TTN: variants seen among roughly 807,000 people sequenced by gnomAD.
The protein encoded by TTN is connectin.
TTN carries 1,525 observed loss-of-function variants against 3,223.0 expected under a neutral mutation model. The ratio of observed to expected loss-of-function variants is 0.47; its 90% CI spans 0.45 to 0.49. The LOEUF (loss-of-function observed/expected upper bound fraction) is 0.49, where lower values mean the gene tolerates loss of function less well. Ranked by LOEUF, TTN falls within the 20% of genes least tolerant of loss-of-function variation. The pLI, the probability that TTN is intolerant of heterozygous loss-of-function variation, is 0.00. For missense variants in TTN, 40,786 were observed against 43,424.0 expected (o/e 0.94, Z 5.40); for synonymous variants, 14,094 against 15,161.0 (o/e 0.93, Z 5.17).
At position 178,677,712 on chromosome 2, in the gene TTN, G is replaced by A. The variant is rs750587024; in HGVS notation, c.34200C>T (p.Pro11400=). ...EIPPEEEEVP[P]EEEYVPEEEE... ...CTTCCTCAGGTACATATTCTTCTTC[G>A]GGAGGAACTTCCTCTTCCTCAGGTG... Residue 11400 remains proline, a synonymous_variant, in exon 146 of 363, where the codon CCC becomes CCT. Coordinates refer to ENST00000589042, the MANE Select transcript of TTN (RefSeq NM_001267550.2). 29 of 1,612,412 alleles carry A rather than the reference G, an allele frequency of 1.8e-5. No individual in the cohort carries two copies. Among genetic ancestry groups the A allele is most frequent in the Middle Eastern group, 1.6e-4 (1 of 6,072 alleles).
chr2:178,766,710 G>A, intron 40 of TTN, 98 bp from the exon 41 acceptor site: 1 of 903,050 alleles, frequency 1.1e-6, no homozygotes, highest in Admixed American at 2.0e-5. Context: ...GTCAATGAAT[G>A]GCATGTGAAA....
Position 178,635,584 on chromosome 2 carries a change from G to A in TTN, c.41740C>T (p.Pro13914Ser), listed in dbSNP as rs755785975. The A allele has an allele frequency of 1.3e-6, 2 of 1,594,022 alleles. No individual in the cohort carries two copies. The highest frequency in any genetic ancestry group is 1.7e-6 in the Non-Finnish European group (2 of 1,169,098). The change falls in exon 227 of 363, where the codon CCT (proline) becomes TCT (serine). Residue 13914 changes from proline to serine, a missense_variant. Pro to Ser is a moderately conservative substitution (Grantham distance 74). Coordinates refer to ENST00000589042, the MANE Select transcript of TTN (RefSeq NM_001267550.2). The part of the protein sequence containing the change: ...IKWFKGYDEI[P>S]AEPNDKTEIL... Reference sequence around the variant, plus strand: ...TCAGTCTTATCATTTGGTTCCGCAGGGATTTCATCATATCCTTTGAACCAC... The same window carrying A: ...TCAGTCTTATCATTTGGTTCCGCAGAGATTTCATCATATCCTTTGAACCAC...
chr2:178,775,232 A>C, intron 28 of TTN, 30 bp from the exon 29 acceptor site: 1 of 1,613,372 alleles, frequency 6.2e-7, no homozygotes, highest in South Asian at 1.1e-5. Flanking sequence ...GAAAAAGGGG[A>C]GAGCACATTA....
chr2:178,634,331 T>C lies in TTN; in HGVS notation c.42415+35A>G. The C allele has an allele frequency of 6.3e-7, 1 of 1,581,362 alleles. No individual in the cohort carries two copies. The highest frequency in any genetic ancestry group is 8.5e-7 in the Non-Finnish European group (1 of 1,172,100). ...TTTAAAGTCATATATTTGCATGCCTTTATGGGATGTCACAGATCTCATTAG... is the reference window on the plus strand; with the variant it reads ...TTTAAAGTCATATATTTGCATGCCTCTATGGGATGTCACAGATCTCATTAG... On this transcript the variant is annotated intron_variant, in intron 230 of 362. Coordinates refer to ENST00000589042, the MANE Select transcript of TTN (RefSeq NM_001267550.2). This position sits in a 1 kb window ranked among gnomAD's most constrained non-coding sequence, Gnocchi z 4.6.
rs727505256 is a variant in TTN, at chr2:178,790,082, T to C, written c.1834A>G (p.Lys612Glu). 3.8e-5 allele frequency: 62 copies of C among 1,612,992 alleles called. No individual in the cohort carries two copies. The highest frequency in any genetic ancestry group is 1.6e-4 in the Middle Eastern group (1 of 6,076). ...ACTTTGGGTGTGGCAACTATGACTT[T>C]AGGTACAACTGTTTTCCTAGTTTCC... ...MKETRKTVVP[K>E]VIVATPKVKE... The change falls in exon 12 of 363, where the codon AAA becomes GAA. Residue 612 changes from lysine to glutamate, a missense_variant. Physicochemically the swap from Lys to Glu is moderately conservative, Grantham distance 56. Transcript: ENST00000589042.
In TTN at chr2:178,757,610, T is replaced by C. The variant is rs2087695492; in HGVS notation, c.10610A>G (p.Tyr3537Cys). The C allele has an allele frequency of 6.2e-7, 1 of 1,612,028 alleles. No homozygotes were observed. Among genetic ancestry groups the C allele is most frequent in the South Asian group, 1.1e-5 (1 of 90,824 alleles). Residue 3537 changes from tyrosine to cysteine, a missense_variant, in exon 45 of 363, where the codon TAC becomes TGC. Coordinates refer to ENST00000589042, the MANE Select transcript of TTN (RefSeq NM_001267550.2). ...VDAYSEHAGQ[Y>C]SCKAANSAGE... ...AGCACTATTGGCTGCTTTGCAAGAG[T>C]ACTGCCCAGCATGCTCTGAGTAAGC...
chr2:178,620,861 C>G lies in TTN; in HGVS notation c.45749G>C (p.Ser15250Thr). The part of the protein sequence containing the change: ...WFRNEEAIFD[S>T]SKYIILQKDL... Reference sequence around the variant, plus strand: ...TTTTTGGAGAATGATGTATTTTGAACTATCAAATATAGCTTCTTCATTTCT... The same window carrying G: ...TTTTTGGAGAATGATGTATTTTGAAGTATCAAATATAGCTTCTTCATTTCT... The change falls in exon 247 of 363, where the codon AGT (serine) becomes ACT (threonine). Residue 15250 changes from serine (S) to threonine (T), a missense_variant. Transcript: ENST00000589042. 6.2e-7 allele frequency: 1 copy of G among 1,612,558 alleles called. No individual in the cohort carries two copies. Among genetic ancestry groups the G allele is most frequent in the Non-Finnish European group, 8.5e-7 (1 of 1,179,122 alleles).
rs772886864 is a variant in TTN at position 178,574,151 on chromosome 2, G to A, written c.71981C>T (p.Ala23994Val). The change falls in exon 326 of 363, where the codon GCA becomes GTA. Residue 23994 changes from alanine (A) to valine (V), a missense_variant. Physicochemically the swap from Ala to Val is moderately conservative, Grantham distance 64. Transcript: ENST00000589042. ...FTVSGLTEDA[A>V]YEFRVIAKNA... is the part of the protein sequence containing the mutation. Reference sequence around the variant, plus strand: ...TTTGGCGATCACACGGAATTCATATGCAGCATCTTCTGTTAGGCCACTGAC... The same window carrying A: ...TTTGGCGATCACACGGAATTCATATACAGCATCTTCTGTTAGGCCACTGAC... 27 of 1,613,502 alleles carry A rather than the reference G, an allele frequency of 1.7e-5. No individual in the cohort carries two copies. The Admixed American group carries it at 2.3e-4, about 14-fold the overall frequency.
Position 178,696,094 on chromosome 2 carries a change from T to C in TTN, c.30978A>G (p.Val10326=), listed in dbSNP as rs2073654294. ...GTTCAAATGGCTCTGTGTATGGTTC[T>C]ACCTCCAGTTCGTCATAAGGTTCTT... ...SFEEPYDELE[V]EPYTEPFEQP... is the part of the protein sequence containing the mutation. The change falls in exon 114 of 363, where the codon GTA becomes GTG. Residue 10326 remains valine, a synonymous_variant. Coordinates refer to ENST00000589042, the MANE Select transcript of TTN (RefSeq NM_001267550.2). The C allele has an allele frequency of 1.9e-6, 3 of 1,551,394 alleles. No individual in the cohort carries two copies. Among genetic ancestry groups the C allele is most frequent in the Non-Finnish European group, 2.6e-6 (3 of 1,146,784 alleles).
In TTN at chr2:178,776,325, G is replaced by A. The variant is rs138778559; in HGVS notation, c.5539C>T (p.Pro1847Ser). The change falls in exon 28 of 363, where the codon CCA (proline) becomes TCA (serine). Residue 1847 changes from proline (P) to serine (S), a missense_variant. By Grantham distance (74) the Pro-to-Ser change is moderately conservative (BLOSUM62 -1). Coordinates refer to ENST00000589042, the MANE Select transcript of TTN (RefSeq NM_001267550.2). ...EKQKPDIVLY[P>S]EPVRVLEGET... is the part of the protein sequence containing the mutation. The stretch of plus-strand genomic sequence containing the variant: ...CCTTCAAGTACTCTAACTGGCTCTG[G>A]GTACAAGACAATGTCTGGCTTTTGC... 6.2e-7 allele frequency: 1 copy of A among 1,613,866 alleles called. No homozygotes were observed. The highest frequency in any genetic ancestry group is 8.5e-7 in the Non-Finnish European group (1 of 1,179,976).
chr2:178,778,062 G>A, intron 24 of TTN, 87 bp from the exon 25 acceptor site: 1 of 1,517,048 alleles, frequency 6.6e-7, no homozygotes, highest in Non-Finnish European at 8.9e-7. Flanking sequence ...CATTATTCAT[G>A]TTATTTTAGA....
intron 53 of TTN, 26 bp from the exon 54 acceptor site, chr2:178,733,543 C>T (rs780978405): frequency 2.5e-6 from 4 of 1,600,272 alleles, no homozygotes; most frequent in Admixed American, 1.7e-5. Context: ...ATAGTTAGCA[C>T]CCTAAATGCT....
rs750071508 is a variant in TTN at position 178,717,620 on chromosome 2, C to G, written c.25254G>C (p.Gln8418His). 3.1e-6 allele frequency: 5 copies of G among 1,613,284 alleles called. No individual in the cohort carries two copies. The highest frequency in any genetic ancestry group is 4.2e-6 in the Non-Finnish European group (5 of 1,179,562). The change falls in exon 87 of 363, where the codon CAG becomes CAC. Residue 8418 changes from glutamine (Q) to histidine (H), a missense_variant. By Grantham distance (24) the Gln-to-His change is conservative. Coordinates refer to ENST00000589042, the MANE Select transcript of TTN (RefSeq NM_001267550.2). ...TSFVHNVATL[Q>H]ILQTDQSHIG... ...TGTGGCTCTGGTCAGTTTGTAAAAT[C>G]TGAAGAGTTGCTACATTATGAACAA...
Position 178,634,003 on chromosome 2 carries a change from A to C in TTN, c.42496T>G (p.Ser14166Ala). ...GETATFVCELSHEKMHVVWFK... is the reference protein window; with the variant it reads ...GETATFVCELAHEKMHVVWFK... ...CAGACTACATGCATTTTTTCATGAG[A>C]AAGTTCACAAACAAAAGTTGCTGTT... The change falls in exon 231 of 363, where the codon TCT becomes GCT. Residue 14166 changes from serine to alanine, a missense_variant. By Grantham distance (99) the Ser-to-Ala change is moderately conservative. Coordinates refer to ENST00000589042, the MANE Select transcript of TTN (RefSeq NM_001267550.2). The surrounding 1 kb of genome is among the most constrained non-coding windows in gnomAD (Gnocchi z 4.6). The C allele has an allele frequency of 6.2e-7, 1 of 1,613,356 alleles. No individual in the cohort carries two copies. Among genetic ancestry groups the C allele is most frequent in the African/African-American group, 1.3e-5 (1 of 74,988 alleles).
At position 178,592,633 on chromosome 2, in the gene TTN, T is replaced by A. The variant is rs2050467493; in HGVS notation, c.59372A>T (p.Asn19791Ile). 2 of 1,613,282 alleles carry A rather than the reference T, an allele frequency of 1.2e-6. No homozygotes were observed. Among genetic ancestry groups the A allele is most frequent in the Non-Finnish European group, 1.7e-6 (2 of 1,179,530 alleles). ...TTTAATGTGTTGTTCTCTTGCCATG[T>A]TGGCATCAAGAATCAACTCAGGGGG... ...LEPPELILDANMAREQHIKVG... is the reference protein window; with the variant it reads ...LEPPELILDAIMAREQHIKVG... The change falls in exon 301 of 363, where the codon AAC becomes ATC. Residue 19791 changes from asparagine (N) to isoleucine (I), a missense_variant. Asn to Ile is a moderately radical substitution (Grantham distance 149). Coordinates refer to ENST00000589042, the MANE Select transcript of TTN (RefSeq NM_001267550.2).
At position 178,581,917 on chromosome 2, in the gene TTN, C is replaced by A; in HGVS notation, c.66452G>T (p.Arg22151Leu). The change falls in exon 315 of 363, where the codon CGG becomes CTG. Residue 22151 changes from arginine to leucine, a missense_variant. Coordinates refer to ENST00000589042, the MANE Select transcript of TTN (RefSeq NM_001267550.2). ...TCATGAACACTTACACTGAGGGTCCCGAGCATAAGCGGCCTTGGATGCGTC... is the reference window on the plus strand; with the variant it reads ...TCATGAACACTTACACTGAGGGTCCAGAGCATAAGCGGCCTTGGATGCGTC... ...PSDASKAAYA[R>L]DPQYPPGPPA... 1 of 1,613,056 alleles carries A rather than the reference C, an allele frequency of 6.2e-7. No individual in the cohort carries two copies. The highest frequency in any genetic ancestry group is 1.1e-5 in the South Asian group (1 of 91,042).
chr2:178,642,409 T>G, intron 218 of TTN, 92 bp from the exon 219 acceptor site: 1 of 1,082,066 alleles, frequency 9.2e-7, no homozygotes, highest in Non-Finnish European at 1.3e-6. Context: ...TAGTTAACTG[T>G]AGTGCATTAA....
rs767670018 is a variant in TTN, at chr2:178,589,114, G to C, written c.62611C>G (p.Leu20871Val). The C allele has an allele frequency of 6.6e-5, 107 of 1,611,728 alleles. No homozygotes were observed. Among genetic ancestry groups the C allele is most frequent in the Non-Finnish European group, 8.8e-5 (104 of 1,179,608 alleles). ...TCACTGGACACATCAACAATTTTCA[G>C]ATTTCTCACAGGACCAGGCTTATCT... ...VLDKPGPVRN[L>V]KIVDVSSDRC... The change falls in exon 304 of 363, where the codon CTG becomes GTG. Residue 20871 changes from leucine to valine, a missense_variant. Leu to Val is a conservative substitution (Grantham distance 32). Coordinates refer to ENST00000589042, the MANE Select transcript of TTN (RefSeq NM_001267550.2).
intron 200 of TTN, 25 bp from the exon 201 acceptor site, chr2:178,652,761 A>G: frequency 6.2e-7 from 1 of 1,611,194 alleles, no homozygotes; most frequent in South Asian, 1.1e-5. Flanking sequence ...GTGAAATTAC[A>G]TTTAGGGGTT....
Sources: allele counts gnomAD v4.1 joint callset, GRCh38; gene constraint gnomAD v4.1.1; non-coding constraint Gnocchi (gnomAD v3.1); transcripts MANE v1.5; gene names NCBI Gene and HGNC (gene_info 2026-07-23, HGNC 2026-07-21).